Variants in ROR1 observed in about 807,000 individuals in gnomAD.
ROR1 encodes the protein ROR family WNT receptor 1.
A neutral mutation model predicts 78.8 loss-of-function variants in ROR1; 19 were observed. That is an observed-to-expected ratio of 0.24 (90% CI 0.17 to 0.35). The LOEUF is 0.35. Ranked by LOEUF, ROR1 falls within the 10% of genes least tolerant of loss-of-function variation. The pLI, the probability that ROR1 is intolerant of heterozygous loss-of-function variation, is 1.00. For synonymous variants in ROR1, 386 were observed against 433.6 expected, an observed-to-expected ratio of 0.89 and a Z score of 1.36; for missense variants, 917 against 1,177.8, an observed-to-expected ratio of 0.78 and a Z score of 3.24.
In ROR1 at chr1:64,177,577, C is replaced by A. The variant is rs1650418208; in HGVS notation, c.1536C>A (p.Asn512Lys). The change falls in exon 9 of 9, where the codon AAC becomes AAA. Residue 512 changes from asparagine to lysine, a missense_variant. This residue lies in a region of ROR1 where 835 missense variants were observed against 1,069.8 expected (regional missense o/e 0.78). Transcript: ENST00000371079. The stretch of plus-strand genomic sequence containing the variant: ...CTATCAAGACCTTGAAAGACTATAA[C>A]AACCCCCAGCAATGGACGGAATTTC... The part of the protein sequence containing the change: ...LVAIKTLKDY[N>K]NPQQWTEFQQ... 5.0e-6 allele frequency: 8 copies of A among 1,614,070 alleles called. No individual in the cohort carries two copies. Among genetic ancestry groups the A allele is most frequent in the African/African-American group, 1.3e-5 (1 of 74,926 alleles).
chr1:64,006,003 G>A (rs915078381), intron 1 of ROR1, among the ~76,000 whole-genome samples: 1 of 152,138 alleles, frequency 6.6e-6, no homozygotes, highest in African/African-American at 2.4e-5. Context: ...GGTAATTAGT[G>A]TCCAGGGACA....
chr1:63,932,907 T>G (rs1193078450), intron 1 of ROR1, among the ~76,000 whole-genome samples: 1 of 152,076 alleles, frequency 6.6e-6, no homozygotes, highest in Non-Finnish European at 1.5e-5. Context: ...GGGCCAGAGC[T>G]GGTAGAGTGG....
intron 4 of ROR1, 67 bp from the exon 5 acceptor site, chr1:64,137,302 G>T: frequency 6.3e-7 from 1 of 1,581,468 alleles, no homozygotes; most frequent in Non-Finnish European, 8.6e-7. Flanking sequence ...GTATCGCGCA[G>T]TCAGAGCTTG....
intron 4 of ROR1, among the ~76,000 whole-genome samples, chr1:64,067,383 G>A (rs1646965190): frequency 6.8e-6 from 1 of 147,390 alleles, no homozygotes; most frequent in African/African-American, 2.5e-5. Context: ...GAGGCCTGTC[G>A]CGGTGGCTCA....
At chr1:63,821,101 G>C (rs1275313367) in intron 1 of ROR1, among the ~76,000 whole-genome samples, 1 of 152,096 alleles carries the variant, frequency 6.6e-6, no homozygotes, top group Admixed American at 6.6e-5. Flanking sequence ...GATTATGCTG[G>C]GGGGAGGAAG....
In ROR1 at chr1:64,179,598, C is replaced by T. The variant is rs1650496153; in HGVS notation, c.*743C>T. ...ACCATAAGAAGGCTAGATGTGGATG[C>T]TAGAATTGATTGTTGGTTGATAGTT... On this transcript the variant is annotated 3_prime_UTR_variant, in exon 9 of 9. Coordinates refer to ENST00000371079, the MANE Select transcript of ROR1 (RefSeq NM_005012.4). 6.6e-6 allele frequency: 1 copy of T among 152,126 alleles called. No individual in the cohort carries two copies. The highest frequency in any genetic ancestry group is 1.5e-5 in the Non-Finnish European group (1 of 68,032). The allele number at this position is 152,126 out of a possible 1,614,324, so 9.4% of individuals were successfully genotyped here.
At chr1:64,133,683 A>G (rs1188343541) in intron 4 of ROR1, among the ~76,000 whole-genome samples, 2 of 152,222 alleles carry the variant, frequency 1.3e-5, no homozygotes. Flanking sequence ...ACTGTGATGA[A>G]TGGCCAAATT....
At chr1:64,096,232 A>C (rs879190623) in intron 4 of ROR1, among the ~76,000 whole-genome samples, 1 of 150,910 alleles carries the variant, frequency 6.6e-6, no homozygotes, top group East Asian at 1.9e-4. Context: ...TTTTTTTTTT[A>C]ATTTTTTACT....
At chr1:64,008,832 A>T (rs1646451698) in intron 1 of ROR1, among the ~76,000 whole-genome samples, 1 of 152,020 alleles carries the variant, frequency 6.6e-6, no homozygotes, top group Admixed American at 6.5e-5. Flanking sequence ...ACGGGGTTTC[A>T]TCATGTTGGT....
Position 64,049,684 on chromosome 1 carries a change from C to T in ROR1, c.164-7C>T. The T allele has an allele frequency of 6.2e-7, 1 of 1,610,872 alleles. No homozygotes were observed. The highest frequency in any genetic ancestry group is 1.1e-5 in the South Asian group (1 of 90,862). On this transcript the variant is annotated splice_polypyrimidine_tract_variant and splice_region_variant and intron_variant, in intron 2 of 8. Coordinates refer to ENST00000371079, the MANE Select transcript of ROR1 (RefSeq NM_005012.4). ...CCCTCTCACCTGCCTCCTCTCTGTG[C>T]TCACAGATTCTTACCTGACCCTCGA...
intron 4 of ROR1, among the ~76,000 whole-genome samples, chr1:64,084,869 G>C (rs921905186): frequency 1.3e-5 from 2 of 152,212 alleles, no homozygotes; most frequent in South Asian, 2.1e-4. Flanking sequence ...GTGTGTGCTA[G>C]CTGTTGGCTT....
At chr1:64,103,462 A>G (rs1647654607) in intron 4 of ROR1, among the ~76,000 whole-genome samples, 1 of 152,184 alleles carries the variant, frequency 6.6e-6, no homozygotes, top group African/African-American at 2.4e-5. Flanking sequence ...AATCTGCAGT[A>G]GAGGACAAAG....
intron 1 of ROR1, among the ~76,000 whole-genome samples, chr1:63,803,590 C>T (rs575405870): frequency 1.3e-5 from 2 of 152,324 alleles, no homozygotes; most frequent in South Asian, 2.1e-4. Flanking sequence ...GTGATCTACC[C>T]GCCTTGGCCT....
At chr1:63,907,911 G>T (rs1419426645) in intron 1 of ROR1, among the ~76,000 whole-genome samples, 1 of 152,046 alleles carries the variant, frequency 6.6e-6, no homozygotes, top group Non-Finnish European at 1.5e-5. Flanking sequence ...CTGCTTTATG[G>T]CTCCTCAGTC....
At chr1:64,047,584 G>A (rs767406810) in intron 2 of ROR1, among the ~76,000 whole-genome samples, 2 of 152,138 alleles carry the variant, frequency 1.3e-5, no homozygotes, top group Admixed American at 6.5e-5. Context: ...CTATCTCTAA[G>A]TTTCTCTCCA....
intron 4 of ROR1, among the ~76,000 whole-genome samples, chr1:64,055,701 TA>T (rs1476416809): frequency 6.6e-6 from 1 of 152,232 alleles, no homozygotes; most frequent in Admixed American, 6.5e-5. Flanking sequence ...TCTCTTTTTT[TA>T]ATAACAGTTT....
At chr1:63,933,906 A>G (rs1343630466) in intron 1 of ROR1, among the ~76,000 whole-genome samples, 1 of 152,206 alleles carries the variant, frequency 6.6e-6, no homozygotes, top group Non-Finnish European at 1.5e-5. Context: ...ATGTGGGGTC[A>G]GTACAGCTTC....
At chr1:63,940,302 G>A (rs1488333372) in intron 1 of ROR1, among the ~76,000 whole-genome samples, 2 of 152,130 alleles carry the variant, frequency 1.3e-5, no homozygotes, top group Non-Finnish European at 2.9e-5. Flanking sequence ...ATACAAACAT[G>A]ATCAGTGATG....
At chr1:64,131,159 G>A (rs939390652) in intron 4 of ROR1, among the ~76,000 whole-genome samples, 7 of 152,144 alleles carry the variant, frequency 4.6e-5, no homozygotes, top group African/African-American at 1.7e-4. Context: ...TTTGAGCTGT[G>A]TGATGACTTT....
Sources: gnomAD v4.1 joint callset for allele counts (sites outside exome capture counted in the v4.1 genomes callset) on GRCh38, gnomAD v4.1.1 for gene constraint, gnomAD v4.1.1 regional missense constraint, MANE v1.5 for transcripts, NCBI Gene and HGNC (gene_info 2026-07-23, HGNC 2026-07-21) for gene names.